Variants in ABLIM1 observed in about 807,000 individuals in gnomAD.
ABLIM1 encodes the protein actin-binding LIM protein 1.
A neutral mutation model predicts 107.0 loss-of-function variants in ABLIM1; 40 were observed. That is an observed-to-expected ratio of 0.37 (90% confidence interval 0.29 to 0.49). The LOEUF is 0.49. ABLIM1 is among the 20% of genes least tolerant of loss of function. ABLIM1 has a pLI of 0.97. For synonymous variants in ABLIM1, 357 were observed against 357.3 expected, an observed-to-expected ratio of 1.00 and a Z score of 0.01; for missense variants, 857 against 1,008.5, an observed-to-expected ratio of 0.85 and a Z score of 2.04.
chr10:114,593,482 T>C (rs1415231852), intron 2 of ABLIM1, among the ~76,000 whole-genome samples: 2 of 152,180 alleles, frequency 1.3e-5, no homozygotes, highest in African/African-American at 2.4e-5. Flanking sequence ...ATTAGTAGGC[T>C]AGCTGGATGC....
intron 1 of ABLIM1, among the ~76,000 whole-genome samples, chr10:114,759,025 A>T (rs967565675): frequency 1.1e-4 from 16 of 152,184 alleles, no homozygotes; most frequent in African/African-American, 3.9e-4. Flanking sequence ...AAAATTATCT[A>T]ACAAAGGACT....
At chr10:114,759,760 A>C (rs544823025) in intron 1 of ABLIM1, among the ~76,000 whole-genome samples, 4 of 152,262 alleles carry the variant, frequency 2.6e-5, no homozygotes, top group Non-Finnish European at 5.9e-5. Flanking sequence ...CAAGGAATAC[A>C]CCGACACCAT....
At chr10:114,662,095 G>C (rs61869066), upstream of ABLIM1, among the ~76,000 whole-genome samples, 2,683 of 152,136 alleles carry the variant, frequency 0.018, 31 homozygotes, top group Middle Eastern at 0.058. Context: ...GGATCTACTT[G>C]CTTCTCACTA....
At chr10:114,573,029 C>G (rs1414842828) in intron 3 of ABLIM1, among the ~76,000 whole-genome samples, 1 of 152,228 alleles carries the variant, frequency 6.6e-6, no homozygotes, top group Non-Finnish European at 1.5e-5. Context: ...CACGAATCCT[C>G]TATGGGACAA....
the ABLIM1 span, among the ~76,000 whole-genome samples, chr10:114,785,463 G>C: frequency 6.6e-6 from 1 of 152,082 alleles, no homozygotes; most frequent in Non-Finnish European, 1.5e-5. Flanking sequence ...GACTTTATTG[G>C]ATCTCATGGG....
chr10:114,659,561 C>T (rs537963955), upstream of ABLIM1, among the ~76,000 whole-genome samples: 10 of 152,112 alleles, frequency 6.6e-5, no homozygotes, highest in South Asian at 2.1e-4. Flanking sequence ...TATATATATA[C>T]GGGATTCTTG....
At chr10:114,647,775 A>G (rs907620305) in intron 1 of ABLIM1, among the ~76,000 whole-genome samples, 3 of 152,170 alleles carry the variant, frequency 2.0e-5, no homozygotes, top group Non-Finnish European at 4.4e-5. Flanking sequence ...GTTGTTATCT[A>G]TGGCCACAGA....
intron 1 of ABLIM1, among the ~76,000 whole-genome samples, chr10:114,682,675 G>A (rs980195017): frequency 1.3e-5 from 2 of 152,116 alleles, no homozygotes; most frequent in Non-Finnish European, 2.9e-5. Flanking sequence ...TAGAGATACG[G>A]TTTCTGTAGA....
chr10:114,469,974 C>T (rs1248165422), intron 10 of ABLIM1, among the ~76,000 whole-genome samples: 1 of 152,170 alleles, frequency 6.6e-6, no homozygotes, highest in Non-Finnish European at 1.5e-5. Context: ...CCAGGGTCTC[C>T]TCTGCAGCTA....
At chr10:114,750,489 C>G (rs1425617764) in intron 1 of ABLIM1, among the ~76,000 whole-genome samples, 2 of 152,160 alleles carry the variant, frequency 1.3e-5, no homozygotes, top group Non-Finnish European at 2.9e-5. Flanking sequence ...TGATAATATT[C>G]TCAACTGGGC....
chr10:114,682,031 G>T (rs903740332), intron 1 of ABLIM1, among the ~76,000 whole-genome samples: 1 of 152,108 alleles, frequency 6.6e-6, no homozygotes, highest in Admixed American at 6.6e-5. Flanking sequence ...CCCTCTTTTT[G>T]GAAATGAATG....
At chr10:114,627,538 G>A (rs746327264) in intron 1 of ABLIM1, among the ~76,000 whole-genome samples, 2 of 152,056 alleles carry the variant, frequency 1.3e-5, no homozygotes, top group Non-Finnish European at 2.9e-5. Flanking sequence ...GAAAGGGCAA[G>A]CAGGAGATGA....
chr10:114,699,518 T>C (rs1000368479), intron 1 of ABLIM1, among the ~76,000 whole-genome samples: 2 of 151,704 alleles, frequency 1.3e-5, no homozygotes, highest in African/African-American at 4.8e-5. Context: ...AGACAGAAAG[T>C]GTGGGTAGGA....
In ABLIM1 at chr10:114,447,882, A is replaced by G; in HGVS notation, c.1733T>C (p.Val578Ala). The G allele has an allele frequency of 6.2e-7, 1 of 1,614,014 alleles. No individual in the cohort carries two copies. Among genetic ancestry groups the G allele is most frequent in the Non-Finnish European group, 8.5e-7 (1 of 1,179,980 alleles). ...HWPGPPSFAV[V>A]GPDMKRRSSG... is the part of the protein sequence containing the mutation. ...ACTTAGCCGTGACAGTTGCATACCT[A>G]CGACAGCAAATGAGGGGGGACCAGG... is the stretch of plus-strand genomic sequence containing the variant. Residue 578 changes from valine (V) to alanine (A), a missense_variant and splice_region_variant, in exon 15 of 23, where the codon GTA becomes GCA. By Grantham distance (64) the Val-to-Ala change is moderately conservative. Coordinates refer to ENST00000533213, the MANE Select transcript of ABLIM1 (RefSeq NM_002313.7).
intron 10 of ABLIM1, among the ~76,000 whole-genome samples, chr10:114,471,354 C>A (rs1036519026): frequency 6.6e-6 from 1 of 152,182 alleles, no homozygotes; most frequent in South Asian, 2.1e-4. Context: ...ACTCACATCC[C>A]CTTGCTTGTA....
intron 1 of ABLIM1, among the ~76,000 whole-genome samples, chr10:114,666,123 T>C (rs1031992457): frequency 1.3e-5 from 2 of 152,232 alleles, no homozygotes; most frequent in Non-Finnish European, 2.9e-5. Context: ...TGGCAGTCTC[T>C]GATATGAAAA....
intron 1 of ABLIM1, among the ~76,000 whole-genome samples, chr10:114,668,352 C>CACTG (rs2080110835): frequency 6.6e-6 from 1 of 152,090 alleles, no homozygotes; most frequent in Non-Finnish European, 1.5e-5. Flanking sequence ...AAATAGTACC[C>CACTG]ACTGGGCCAT....
At chr10:114,598,872 C>T (rs879864635) in intron 2 of ABLIM1, among the ~76,000 whole-genome samples, 2 of 151,556 alleles carry the variant, frequency 1.3e-5, no homozygotes, top group Non-Finnish European at 2.9e-5. Flanking sequence ...TTTTGGGGTG[C>T]ATGTGCAGGA....
chr10:114,777,333 A>AT, the ABLIM1 span, among the ~76,000 whole-genome samples: 1 of 151,682 alleles, frequency 6.6e-6, no homozygotes, highest in African/African-American at 2.4e-5. Flanking sequence ...GTTTTTCCAT[A>AT]TTTTTTCTAT....
Sources: gnomAD v4.1 joint callset for allele counts (sites outside exome capture counted in the v4.1 genomes callset) on GRCh38, gnomAD v4.1.1 for gene constraint, MANE v1.5 for transcripts, NCBI Gene and HGNC (gene_info 2026-07-23, HGNC 2026-07-21) for gene names.